The following MAML3 variants were observed in gnomAD, a reference collection of about 807,000 sequenced individuals.
The protein encoded by MAML3 is mastermind like transcriptional coactivator 3.
Under a neutral mutation model 101.9 loss-of-function variants are expected in MAML3, and 27 were observed. That is an observed-to-expected ratio of 0.27 (90% CI 0.20 to 0.37). MAML3 has a LOEUF of 0.37. MAML3 is among the 10% of genes least tolerant of loss of function. MAML3 has a pLI of 1.00. For missense variants in MAML3, 1,316 were observed against 1,444.9 expected (o/e 0.91, Z 1.45); for synonymous variants, 501 against 555.9 (o/e 0.90, Z 1.39).
chr4:139,910,635 G>A (rs1314335226), intron 1 of MAML3, among the ~76,000 whole-genome samples: 1 of 152,272 alleles, frequency 6.6e-6, no homozygotes, highest in East Asian at 1.9e-4. Flanking sequence ...AACAAGAATG[G>A]AGATATTAGG....
At chr4:139,954,760 T>A (rs1295171571) in intron 1 of MAML3, among the ~76,000 whole-genome samples, 1 of 152,140 alleles carries the variant, frequency 6.6e-6, no homozygotes, top group Non-Finnish European at 1.5e-5. Flanking sequence ...GCTCGAGGAA[T>A]CCTCCCTTCT....
intron 1 of MAML3, among the ~76,000 whole-genome samples, chr4:140,037,241 GAA>G (rs36104617): frequency 7.2e-6 from 1 of 138,868 alleles, no homozygotes. Context: ...CCCTCTGCTT[GAA>G]AAAAAAAAAA....
intron 1 of MAML3, among the ~76,000 whole-genome samples, chr4:140,117,327 T>C (rs1457089686): frequency 5.9e-5 from 9 of 152,216 alleles, no homozygotes; most frequent in Non-Finnish European, 2.9e-5. Context: ...AAGCTGTTTC[T>C]AAATTTACAC....
At chr4:139,825,765 GAAAA>G (rs10572822) in intron 2 of MAML3, among the ~76,000 whole-genome samples, 1 of 145,444 alleles carries the variant, frequency 6.9e-6, no homozygotes, top group Admixed American at 6.8e-5. Context: ...AGAGAAGAAG[GAAAA>G]AAAAAAAAAA....
intron 1 of MAML3, among the ~76,000 whole-genome samples, chr4:140,130,178 T>C (rs907260980): frequency 2.0e-5 from 3 of 152,318 alleles, no homozygotes; most frequent in African/African-American, 4.8e-5. Flanking sequence ...TGTTTTTCAA[T>C]TGTGGCATGG....
chr4:140,005,964 A>G (rs1292661681), intron 1 of MAML3, among the ~76,000 whole-genome samples: 1 of 152,222 alleles, frequency 6.6e-6, no homozygotes, highest in Non-Finnish European at 1.5e-5. Context: ...AAGACATCTT[A>G]TGGGAAACAT....
chr4:139,969,771 CCTAT>C (rs1560852625), intron 1 of MAML3, among the ~76,000 whole-genome samples: 1 of 152,142 alleles, frequency 6.6e-6, no homozygotes, highest in Non-Finnish European at 1.5e-5. Context: ...ACATGCCTCC[CCTAT>C]CTATCTCCTC....
intron 2 of MAML3, among the ~76,000 whole-genome samples, chr4:139,851,168 T>C (rs2111155540): frequency 1.3e-5 from 2 of 152,342 alleles, no homozygotes; most frequent in South Asian, 4.1e-4. Flanking sequence ...TTTCTGGGGC[T>C]CTTAGAACTG....
chr4:139,925,158 G>A (rs564174676), intron 1 of MAML3, among the ~76,000 whole-genome samples: 6 of 152,130 alleles, frequency 3.9e-5, no homozygotes, highest in African/African-American at 1.4e-4. Flanking sequence ...TAACCATCCC[G>A]AGAAATGACC....
At chr4:139,839,765 A>T (rs532290075) in intron 2 of MAML3, among the ~76,000 whole-genome samples, 1 of 152,286 alleles carries the variant, frequency 6.6e-6, no homozygotes, top group East Asian at 1.9e-4. Context: ...ATCACTAATG[A>T]GGCCTGTACG....
intron 2 of MAML3, among the ~76,000 whole-genome samples, chr4:139,850,540 C>CT (rs144011476): frequency 0.097 from 14,401 of 147,824 alleles, 1,383 homozygotes; most frequent in African/African-American, 0.25. Context: ...ATATATTCTT[C>CT]TTTTTTTTTT....
intron 1 of MAML3, among the ~76,000 whole-genome samples, chr4:139,962,959 A>G (rs888973533): frequency 1.3e-5 from 2 of 152,192 alleles, no homozygotes; most frequent in African/African-American, 4.8e-5. Flanking sequence ...AACGGCAATA[A>G]TCATGAATAA....
At chr4:139,954,951 G>A (rs1033979478) in intron 1 of MAML3, among the ~76,000 whole-genome samples, 1 of 151,878 alleles carries the variant, frequency 6.6e-6, no homozygotes, top group Non-Finnish European at 1.5e-5. Context: ...TAAAAGAAGC[G>A]ATAATGATAA....
At position 139,845,289 on chromosome 4, in the gene MAML3, G is replaced by C. The variant is rs191132318; in HGVS notation, c.2079+44068C>G. ...ACTAGACATGTGGCTGCATTAGACA[G>C]AGTACACAGAAGGGAGGCTCAATGT... On this transcript the variant is annotated intron_variant, in intron 2 of 4. Transcript: ENST00000509479. 7.6e-4 allele frequency among the ~76,000 whole-genome samples: 116 copies of C among 152,300 alleles called. 1 individual carries two copies. The highest frequency in any genetic ancestry group is 2.7e-3 in the African/African-American group (111 of 41,558).
At chr4:140,109,131 A>C (rs1728400089) in intron 1 of MAML3, among the ~76,000 whole-genome samples, 1 of 152,196 alleles carries the variant, frequency 6.6e-6, no homozygotes, top group South Asian at 2.1e-4. Flanking sequence ...GGCATTTATC[A>C]ATGTTTAAAA....
intron 2 of MAML3, among the ~76,000 whole-genome samples, chr4:139,807,730 G>A (rs533049927): frequency 1.3e-5 from 2 of 152,302 alleles, no homozygotes; most frequent in Admixed American, 1.3e-4. Context: ...TCCTTTTGAA[G>A]TTAGATCACT....
At chr4:140,086,627 G>A (rs1200410777) in intron 1 of MAML3, among the ~76,000 whole-genome samples, 1 of 152,078 alleles carries the variant, frequency 6.6e-6, no homozygotes, top group Non-Finnish European at 1.5e-5. Context: ...TCACGAATAT[G>A]GTGAATTCAT....
At chr4:140,009,412 C>G (rs1368501096) in intron 1 of MAML3, among the ~76,000 whole-genome samples, 1 of 152,212 alleles carries the variant, frequency 6.6e-6, no homozygotes, top group East Asian at 1.9e-4. Context: ...CTAGTCTGTA[C>G]TACAGTCCAG....
At chr4:139,967,962 CAAAAA>C (rs200126630) in intron 1 of MAML3, among the ~76,000 whole-genome samples, 8 of 102,932 alleles carry the variant, frequency 7.8e-5, no homozygotes, top group Non-Finnish European at 1.0e-4. Context: ...GACCCTGTCT[CAAAAA>C]AAAAAAAAAA....
Sources: gnomAD v4.1 joint callset for allele counts (sites outside exome capture counted in the v4.1 genomes callset) on GRCh38, gnomAD v4.1.1 for gene constraint, MANE v1.5 for transcripts, NCBI Gene and HGNC (gene_info 2026-07-23, HGNC 2026-07-21) for gene names.